RYR2: variants seen among roughly 807,000 people sequenced by gnomAD.
The protein encoded by RYR2 is ryanodine receptor 2.
Under a neutral mutation model 601.1 loss-of-function variants are expected in RYR2, and 227 were observed. That is an observed-to-expected ratio of 0.38 (90% CI 0.34 to 0.42). The LOEUF (loss-of-function observed/expected upper bound fraction) is 0.42, where lower values mean the gene tolerates loss of function less well. Among genes scored for constraint, RYR2 ranks in the 10% least tolerant of loss-of-function variants. The pLI is 1.00. For missense variants in RYR2, 4,646 were observed against 6,156.5 expected (o/e 0.75, Z 8.21); for synonymous variants, 2,223 against 2,175.1 (o/e 1.02, Z -0.61).
intron 17 of RYR2, among the ~76,000 whole-genome samples, chr1:237,478,957 G>C (rs991589496): frequency 6.6e-6 from 1 of 152,152 alleles, no homozygotes. Flanking sequence ...ATGTAAATAG[G>C]CAAGTTCAAT....
intron 1 of RYR2, among the ~76,000 whole-genome samples, chr1:237,149,312 C>CAAAAAG (rs1166046517): frequency 6.6e-6 from 1 of 151,578 alleles, no homozygotes; most frequent in Non-Finnish European, 1.5e-5. Context: ...CAAACAAAAA[C>CAAAAAG]AAAAACAAAA....
chr1:237,647,107 G>T (rs1033672234), intron 48 of RYR2, among the ~76,000 whole-genome samples: 1 of 152,160 alleles, frequency 6.6e-6, no homozygotes, highest in African/African-American at 2.4e-5. Context: ...ATTTTTAGGA[G>T]AATTGAAATT....
chr1:237,358,648 A>G (rs1027232781), intron 4 of RYR2, among the ~76,000 whole-genome samples: 2 of 151,560 alleles, frequency 1.3e-5, no homozygotes, highest in Non-Finnish European at 2.9e-5. Flanking sequence ...CTCTGAGACA[A>G]TCCCAAGCTG....
intron 68 of RYR2, among the ~76,000 whole-genome samples, chr1:237,708,018 G>A (rs1455538703): frequency 1.3e-5 from 2 of 150,438 alleles, no homozygotes; most frequent in African/African-American, 4.9e-5. Context: ...CTGACCTCAG[G>A]TGATCCACCC....
intron 40 of RYR2, 99 bp downstream of exon 40, chr1:237,625,903 G>C (rs1017589853): frequency 7.2e-5 from 99 of 1,379,128 alleles, no homozygotes; most frequent in Non-Finnish European, 9.4e-5. Flanking sequence ...TGAGATAATT[G>C]AGTTTGCAAC....
intron 1 of RYR2, among the ~76,000 whole-genome samples, chr1:237,051,242 C>G (rs1162900612): frequency 3.6e-5 from 4 of 111,700 alleles, no homozygotes; most frequent in Non-Finnish European, 5.5e-5. Flanking sequence ...CCTTTCCCTC[C>G]CCTTCCCCTC....
intron 42 of RYR2, 146 bp from the exon 43 acceptor site, chr1:237,633,432 C>G: frequency 1.1e-6 from 1 of 911,512 alleles, no homozygotes; most frequent in Non-Finnish European, 1.7e-6. Flanking sequence ...AAATCGTAGT[C>G]TGCACATTTG....
chr1:237,570,234 A>T (rs1407215786), intron 29 of RYR2, among the ~76,000 whole-genome samples: 3 of 147,374 alleles, frequency 2.0e-5, no homozygotes, highest in East Asian at 4.0e-4. Context: ...AAAAAAAAAG[A>T]TGGAAGGTGT....
intron 1 of RYR2, among the ~76,000 whole-genome samples, chr1:237,249,829 T>A (rs1687269729): frequency 6.6e-6 from 1 of 152,192 alleles, no homozygotes; most frequent in Admixed American, 6.5e-5. Context: ...TCACTGAACA[T>A]CTGTTATATT....
At chr1:237,484,102 C>T (rs1169008150) in intron 17 of RYR2, among the ~76,000 whole-genome samples, 3 of 152,124 alleles carry the variant, frequency 2.0e-5, no homozygotes, top group African/African-American at 4.8e-5. Context: ...CTAGCTTAGA[C>T]GAAAGGGTTT....
At chr1:237,699,746 A>G (rs752210300) in intron 64 of RYR2, among the ~76,000 whole-genome samples, 70 of 152,356 alleles carry the variant, frequency 4.6e-4, no homozygotes, top group Admixed American at 7.8e-4. Flanking sequence ...AAATAGTGGC[A>G]TTAAGGTATG....
At chr1:237,063,622 C>G (rs1018646622) in intron 1 of RYR2, among the ~76,000 whole-genome samples, 2 of 151,924 alleles carry the variant, frequency 1.3e-5, no homozygotes, top group East Asian at 1.9e-4. Context: ...TCTCTCTCTT[C>G]AACTCCTTAA....
intron 1 of RYR2, among the ~76,000 whole-genome samples, chr1:237,156,204 C>T (rs1411257443): frequency 6.6e-6 from 1 of 152,216 alleles, no homozygotes; most frequent in Non-Finnish European, 1.5e-5. Flanking sequence ...TGCTATTCTC[C>T]ACAAAATCTA....
At chr1:237,336,035 GT>G (rs959169624) in intron 3 of RYR2, among the ~76,000 whole-genome samples, 9 of 151,952 alleles carry the variant, frequency 5.9e-5, no homozygotes, top group African/African-American at 2.2e-4. Flanking sequence ...AAATTTAAGT[GT>G]TTTTTTGTCA....
intron 6 of RYR2, among the ~76,000 whole-genome samples, chr1:237,369,887 A>G (rs1390511070): frequency 6.6e-6 from 1 of 152,188 alleles, no homozygotes; most frequent in African/African-American, 2.4e-5. Flanking sequence ...TAAGAGTCAA[A>G]TAAGAGATAT....
At chr1:237,267,670 A>G (rs1205650342) in intron 1 of RYR2, 1 of 231,578 alleles carries the variant, frequency 4.3e-6, no homozygotes, top group Non-Finnish European at 9.4e-6. Context: ...GAAATGCACA[A>G]TCAGCCCCAC....
chr1:237,551,293 G>C (rs1169452239), intron 27 of RYR2, among the ~76,000 whole-genome samples: 1 of 152,142 alleles, frequency 6.6e-6, no homozygotes, highest in African/African-American at 2.4e-5. Flanking sequence ...AGTTTGGGAG[G>C]CTGAGGCAGG....
chr1:237,148,585 C>T (rs10925329), intron 1 of RYR2, among the ~76,000 whole-genome samples: 76,678 of 136,422 alleles, frequency 0.56, 22,591 homozygotes, highest in Non-Finnish European at 0.64. Flanking sequence ...TATACACACA[C>T]ATATATATAT....
In RYR2 at chr1:237,187,443, C is replaced by CTTTTTTTTT. The variant is rs10686110; in HGVS notation, c.49-83043_49-83035dup. Reference sequence around the variant, plus strand: ...GGCGTGAGCCAACACGCCCGGCCGACTTTTTTTTTTTTTTTTTTTGAGACA... The same window carrying CTTTTTTTTT: ...GGCGTGAGCCAACACGCCCGGCCGACTTTTTTTTTTTTTTTTTTTTTTTTTTTTGAGACA... On this transcript the variant is annotated intron_variant, in intron 1 of 104. Coordinates refer to ENST00000366574, the MANE Select transcript of RYR2 (RefSeq NM_001035.3). Among the ~76,000 whole-genome samples, 341 of 86,760 alleles carry CTTTTTTTTT rather than the reference C, an allele frequency of 3.9e-3. 47 individuals are homozygous for CTTTTTTTTT. Among genetic ancestry groups the CTTTTTTTTT allele is most frequent in the East Asian group, 6.9e-3 (20 of 2,886 alleles). 56.9% of individuals were successfully genotyped at this position (86,760 alleles called of 152,430 possible).
Sources: allele counts gnomAD v4.1 joint callset (sites outside exome capture counted in the v4.1 genomes callset), GRCh38; gene constraint gnomAD v4.1.1; transcripts MANE v1.5; gene names NCBI Gene and HGNC (gene_info 2026-07-23, HGNC 2026-07-21).